The following COL12A1 variants were observed in gnomAD, a reference collection of about 807,000 sequenced individuals.
COL12A1 encodes the protein collagen alpha-1(XII) chain.
Under a neutral mutation model 349.7 loss-of-function variants are expected in COL12A1, and 114 were observed. The observed-to-expected ratio is 0.33, with a 90% CI of 0.28 to 0.38. The LOEUF (loss-of-function observed/expected upper bound fraction) is 0.38. Ranked by LOEUF, COL12A1 falls within the 10% of genes least tolerant of loss-of-function variation. The probability of loss-of-function intolerance (pLI) is 1.00; values close to 1 mark genes in which losing one functional copy is unlikely to be tolerated. For synonymous variants in COL12A1, 1,369 were observed against 1,329.0 expected, an observed-to-expected ratio of 1.03 and a Z score of -0.66; for missense variants, 3,284 against 3,756.9, an observed-to-expected ratio of 0.87 and a Z score of 3.29.
chr6:75,087,257 C>A, intron 65 of COL12A1: 2 of 343,102 alleles, frequency 5.8e-6, no homozygotes, highest in Admixed American at 5.3e-5. Context: ...TTTAACAAAT[C>A]CCTGTTCCCA....
Position 75,165,737 on chromosome 6 carries a change from T to A in COL12A1, c.2753A>T (p.Asp918Val), listed in dbSNP as rs1364337157. 6.2e-7 allele frequency: 1 copy of A among 1,613,860 alleles called. No individual in the cohort carries two copies. Among genetic ancestry groups the A allele is most frequent in the South Asian group, 1.1e-5 (1 of 91,080 alleles). Residue 918 changes from aspartate to valine, a missense_variant, in exon 14 of 66, where the codon GAC (aspartate) becomes GTC (valine). This residue lies in a region of COL12A1 where 2,601 missense variants were observed against 2,824.8 expected (regional missense o/e 0.92). Coordinates refer to ENST00000322507, the MANE Select transcript of COL12A1 (RefSeq NM_004370.6). ...PQDLVTKDIT[D>V]TSIGAYWTSA... ...TGTCCAATAAGCCCCAATTGATGTG[T>A]CAGTGATGTCTTTAGTAACTAAATC...
chr6:75,099,633 T>C (rs1768209442), intron 58 of COL12A1, among the ~76,000 whole-genome samples: 1 of 151,392 alleles, frequency 6.6e-6, no homozygotes, highest in Non-Finnish European at 1.5e-5. Flanking sequence ...TTTTATTTTA[T>C]TCTTCATTTT....
intron 2 of COL12A1, among the ~76,000 whole-genome samples, chr6:75,200,282 A>T (rs1967709): frequency 0.85 from 129,481 of 152,248 alleles, 56,004 homozygotes; most frequent in Non-Finnish European, 0.93. Context: ...AAGCTCTTAA[A>T]ATGTGGCCAG....
chr6:75,201,088 A>AT (rs1770503822), intron 2 of COL12A1, among the ~76,000 whole-genome samples: 1 of 152,250 alleles, frequency 6.6e-6, no homozygotes, highest in Admixed American at 6.5e-5. Flanking sequence ...TTCAGAATCA[A>AT]TTTTTTCCAC....
chr6:75,095,340 G>A (rs564793457), intron 59 of COL12A1, among the ~76,000 whole-genome samples, 161 bp from the exon 60 acceptor site: 1 of 152,140 alleles, frequency 6.6e-6, no homozygotes, highest in African/African-American at 2.4e-5. Context: ...AAATAGGGCC[G>A]GGCGCGGTGG....
chr6:75,119,519 T>C (rs1769250945), intron 44 of COL12A1, 46 bp from the exon 45 acceptor site: 1 of 1,557,846 alleles, frequency 6.4e-7, no homozygotes, highest in Non-Finnish European at 8.7e-7. Context: ...CATCTCATTT[T>C]ATGTTTCAAT....
intron 12 of COL12A1, among the ~76,000 whole-genome samples, chr6:75,177,331 G>C (rs1027986914): frequency 6.6e-6 from 1 of 152,052 alleles, no homozygotes; most frequent in Non-Finnish European, 1.5e-5. Flanking sequence ...CAGCTATTTG[G>C]GAGGCTGAAT....
At chr6:75,100,987 A>G (rs1768278411) in intron 58 of COL12A1, among the ~76,000 whole-genome samples, 1 of 152,226 alleles carries the variant, frequency 6.6e-6, no homozygotes, top group Admixed American at 6.5e-5. Context: ...ATTGATGAAC[A>G]GAACATAGAG....
intron 1 of COL12A1, among the ~76,000 whole-genome samples, chr6:75,203,982 G>A (rs1770654280): frequency 6.6e-6 from 1 of 152,190 alleles, no homozygotes; most frequent in Non-Finnish European, 1.5e-5. Flanking sequence ...AATCTCCAAC[G>A]ATGACTTTCC....
chr6:75,148,436 C>T lies in COL12A1; in HGVS notation c.4209G>A (p.Val1403=). 4 of 1,613,494 alleles carry T rather than the reference C, an allele frequency of 2.5e-6. No individual in the cohort carries two copies. Among genetic ancestry groups the T allele is most frequent in the African/African-American group, 1.3e-5 (1 of 74,988 alleles). Residue 1403 remains valine (V), a synonymous_variant, in exon 22 of 66, where the codon GTG becomes GTA. Transcript: ENST00000322507. ...CACTGTCAGAAGGTGGTGTCCAGCT[C>T]ACTCTAAAAGAACGATGGGTTCGCT... ...ISERTHRSFR[V]SWTPPSDSVD...
At chr6:75,132,872 A>T (rs982842623) in intron 34 of COL12A1, among the ~76,000 whole-genome samples, 3 of 152,232 alleles carry the variant, frequency 2.0e-5, no homozygotes, top group African/African-American at 7.2e-5. Flanking sequence ...ACAGATTTTA[A>T]GATCAAAAAA....
In COL12A1 at chr6:75,137,458, T is replaced by A. The variant is rs1422128161; in HGVS notation, c.5373A>T (p.Thr1791=). 17 of 1,607,106 alleles carry A rather than the reference T, an allele frequency of 1.1e-5. No homozygotes were observed. Among genetic ancestry groups the A allele is most frequent in the Non-Finnish European group, 1.4e-5 (16 of 1,177,782 alleles). ...QKYRITYQPS[T]GEGNEQTTTI... is the part of the protein sequence containing the mutation. ...TTACCGTTTGCTCATTGCCTTCCCC[T>A]GTGGAAGGCTGATAAGTGATCCTAT... is the stretch of plus-strand genomic sequence containing the variant. Residue 1791 remains threonine, a synonymous_variant, in exon 31 of 66, where the codon ACA becomes ACT. Transcript: ENST00000322507.
chr6:75,109,648 C>T (rs1305188277), intron 51 of COL12A1, among the ~76,000 whole-genome samples: 1 of 152,092 alleles, frequency 6.6e-6, no homozygotes, highest in East Asian at 1.9e-4. Flanking sequence ...ATACCTCATA[C>T]AGTAAAGAAC....
intron 52 of COL12A1, among the ~76,000 whole-genome samples, chr6:75,108,686 C>T (rs1462293424): frequency 6.6e-6 from 1 of 152,114 alleles, no homozygotes; most frequent in Non-Finnish European, 1.5e-5. Context: ...TGCTGAAGAA[C>T]AAAATAGGAA....
intron 53 of COL12A1, among the ~76,000 whole-genome samples, chr6:75,105,977 A>T (rs969710243): frequency 5.3e-5 from 8 of 152,194 alleles, no homozygotes; most frequent in Admixed American, 5.2e-4. Context: ...ATCCATCACC[A>T]ACGTTCAACT....
intron 13 of COL12A1, among the ~76,000 whole-genome samples, chr6:75,174,231 G>T (rs1768789506): frequency 6.6e-6 from 1 of 152,098 alleles, no homozygotes; most frequent in Non-Finnish European, 1.5e-5. Context: ...ATACAGAACG[G>T]AATTTCAGAA....
intron 5 of COL12A1, 82 bp downstream of exon 5, chr6:75,191,619 A>G (rs376695805): frequency 2.5e-5 from 21 of 829,822 alleles, no homozygotes; most frequent in East Asian, 2.0e-4. Context: ...AGATCAATCT[A>G]TGTATATAAT....
intron 13 of COL12A1, 67 bp from the exon 14 acceptor site, chr6:75,165,846 T>C: frequency 6.9e-7 from 1 of 1,458,804 alleles, no homozygotes; most frequent in Non-Finnish European, 9.4e-7. Context: ...ATTATATTCA[T>C]TGATCCTGGT....
chr6:75,137,489 T>C lies in COL12A1; in HGVS notation c.5342A>G (p.Gln1781Arg), dbSNP rs1404285487. 7 of 1,613,718 alleles carry C rather than the reference T, an allele frequency of 4.3e-6. No homozygotes were observed. Among genetic ancestry groups the C allele is most frequent in the African/African-American group, 1.3e-5 (1 of 74,922 alleles). ...VKWDPASGRV[Q>R]KYRITYQPST... ...AGGCTGATAAGTGATCCTATATTTC[T>C]GCACACGACCACTAGCAGGATCCCA... The change falls in exon 31 of 66, where the codon CAG becomes CGG. Residue 1781 changes from glutamine (Q) to arginine (R), a missense_variant. This residue lies in a region of COL12A1 where 2,601 missense variants were observed against 2,824.8 expected (regional missense o/e 0.92). Coordinates refer to ENST00000322507, the MANE Select transcript of COL12A1 (RefSeq NM_004370.6).
Sources: allele counts gnomAD v4.1 joint callset (sites outside exome capture counted in the v4.1 genomes callset), GRCh38; gene constraint gnomAD v4.1.1; regional missense constraint gnomAD v4.1.1; transcripts MANE v1.5; gene names NCBI Gene and HGNC (gene_info 2026-07-23, HGNC 2026-07-21).